Variants in CENPI observed in about 807,000 individuals in gnomAD.
CENPI encodes the protein FSH primary response 1.
In CENPI, 4 loss-of-function variants were observed where a neutral mutation model predicts 60.4. The ratio of observed to expected loss-of-function variants is 0.07; its 90% confidence interval spans 0.03 to 0.15. The LOEUF is 0.15. Ranked by LOEUF, CENPI falls within the 10% of genes least tolerant of loss-of-function variation. The probability of loss-of-function intolerance (pLI) is 1.00; values close to 1 mark genes in which losing one functional copy is unlikely to be tolerated. For synonymous variants in CENPI, 157 were observed against 189.4 expected, an observed-to-expected ratio of 0.83 and a Z score of 1.40; for missense variants, 444 against 534.5, an observed-to-expected ratio of 0.83 and a Z score of 1.67.
intron 8 of CENPI, among the ~76,000 whole-genome samples, chrX:101,122,557 T>C (rs1447710749): frequency 8.9e-6 from 1 of 111,779 alleles, no homozygotes; most frequent in Non-Finnish European, 1.9e-5. Flanking sequence ...AACATTTCAA[T>C]GGAATAAGAC....
downstream of CENPI, among the ~76,000 whole-genome samples, chrX:101,166,790 T>G (rs1209737082): frequency 3.5e-5 from 4 of 112,701 alleles, no homozygotes; most frequent in Non-Finnish European, 7.5e-5. Context: ...AGACGGAGTC[T>G]TACTCTGTTG....
At chrX:101,134,757 C>T (rs917191631) in intron 15 of CENPI, among the ~76,000 whole-genome samples, 1 of 111,461 alleles carries the variant, frequency 9.0e-6, no homozygotes, top group African/African-American at 3.3e-5. Context: ...GGTGCGGTGG[C>T]TCATGCCTGT....
At chrX:101,099,730 C>T (rs1662549364) in intron 2 of CENPI, 1 of 109,400 alleles carries the variant, frequency 9.1e-6, no homozygotes. Flanking sequence ...TTCCCATCTC[C>T]ACTTCATTTC....
chrX:101,127,985 G>T (rs1383879224), intron 11 of CENPI, among the ~76,000 whole-genome samples: 1 of 111,306 alleles, frequency 9.0e-6, no homozygotes, highest in Non-Finnish European at 1.9e-5. Context: ...ATCACTTGAG[G>T]TCAGGAGTTC....
At chrX:101,169,245 T>C (rs2090151272), downstream of CENPI, among the ~76,000 whole-genome samples, 1 of 111,738 alleles carries the variant, frequency 8.9e-6, no homozygotes, top group Non-Finnish European at 1.9e-5. Context: ...TTTAAACAAA[T>C]AATGGCTAAT....
intron 20 of CENPI, 126 bp downstream of exon 20, chrX:101,148,287 A>G (rs1239856890): frequency 5.0e-5 from 29 of 575,773 alleles, no homozygotes; most frequent in Non-Finnish European, 5.2e-5. Flanking sequence ...TTAAGTAACA[A>G]CTAAATTTTG....
intron 20 of CENPI, among the ~76,000 whole-genome samples, chrX:101,159,398 G>A (rs1476968837): frequency 9.1e-6 from 1 of 109,999 alleles, no homozygotes; most frequent in Non-Finnish European, 1.9e-5. Flanking sequence ...TCCTGACCTC[G>A]TGATCAGCCC....
chrX:101,170,944 CTA>C (rs1457313001), downstream of CENPI, among the ~76,000 whole-genome samples: 1 of 111,877 alleles, frequency 8.9e-6, no homozygotes, highest in African/African-American at 3.2e-5. Context: ...AATGCAGTCT[CTA>C]TTGAAATCCC....
chrX:101,156,625 A>G (rs1012836774), intron 20 of CENPI, among the ~76,000 whole-genome samples: 1 of 109,976 alleles, frequency 9.1e-6, no homozygotes, highest in African/African-American at 3.3e-5. Context: ...ACTGTACCCA[A>G]TTTGTAGTCT....
At chrX:101,155,555 G>A (rs771921452) in intron 20 of CENPI, among the ~76,000 whole-genome samples, 1 of 110,260 alleles carries the variant, frequency 9.1e-6, no homozygotes, top group East Asian at 2.8e-4. Flanking sequence ...TATAAACATG[G>A]TTTTGTGGTT....
At chrX:101,150,367 TA>T (rs1006046553) in intron 20 of CENPI, among the ~76,000 whole-genome samples, 2 of 102,669 alleles carry the variant, frequency 1.9e-5, no homozygotes, top group African/African-American at 7.1e-5. Flanking sequence ...ATTGCCTTAT[TA>T]TTTTTTTTTT....
intron 6 of CENPI, among the ~76,000 whole-genome samples, chrX:101,111,200 A>G (rs2089549407): frequency 9.0e-6 from 1 of 110,917 alleles, no homozygotes; most frequent in East Asian, 2.8e-4. Context: ...GTAGTTCCCA[A>G]CAATGTGAAT....
intron 4 of CENPI, among the ~76,000 whole-genome samples, chrX:101,104,269 C>T (rs2089458305): frequency 8.9e-6 from 1 of 112,851 alleles, no homozygotes; most frequent in African/African-American, 3.2e-5. Context: ...CCAGTGTGCC[C>T]AGCTAAGATG....
intron 8 of CENPI, among the ~76,000 whole-genome samples, chrX:101,122,514 G>GA (rs1040217243): frequency 9.0e-6 from 1 of 111,361 alleles, no homozygotes; most frequent in Non-Finnish European, 1.9e-5. Context: ...TAGAAATTAT[G>GA]AAAAAAATGT....
downstream of CENPI, among the ~76,000 whole-genome samples, chrX:101,170,119 C>T (rs1330282151): frequency 9.0e-6 from 1 of 111,681 alleles, no homozygotes; most frequent in Admixed American, 9.5e-5. Flanking sequence ...ACTGATTCAC[C>T]CAGAGCAACT....
intron 8 of CENPI, 90 bp downstream of exon 8, chrX:101,120,874 ATC>A: frequency 1.5e-6 from 1 of 652,565 alleles, no homozygotes; most frequent in South Asian, 3.1e-5. Context: ...ATAACTCTTG[ATC>A]TTTTTTTTTT....
downstream of CENPI, among the ~76,000 whole-genome samples, chrX:101,170,786 C>T (rs887152676): frequency 1.8e-5 from 2 of 111,006 alleles, no homozygotes; most frequent in Non-Finnish European, 3.8e-5. Flanking sequence ...CATGTGTCAT[C>T]ATGCCCAGCT....
At chrX:101,161,172 A>C (rs2090104672) in intron 20 of CENPI, among the ~76,000 whole-genome samples, 1 of 112,448 alleles carries the variant, frequency 8.9e-6, no homozygotes, top group African/African-American at 3.2e-5. Context: ...TATTTATTTA[A>C]ATAGAGACAA....
intron 4 of CENPI, among the ~76,000 whole-genome samples, chrX:101,108,955 A>G (rs745637516): frequency 2.1e-4 from 23 of 110,401 alleles, no homozygotes; most frequent in Non-Finnish European, 3.8e-4. Context: ...CTATTGCCTT[A>G]TTGTATATTA....
Sources: allele counts gnomAD v4.1 joint callset (sites outside exome capture counted in the v4.1 genomes callset), GRCh38; gene constraint gnomAD v4.1.1; transcripts MANE v1.5; gene names NCBI Gene and HGNC (gene_info 2026-07-23, HGNC 2026-07-21).